KCNIP4: variants seen among roughly 807,000 people sequenced by gnomAD.
The protein encoded by KCNIP4 is Kv channel-interacting protein 4.
In KCNIP4, 12 loss-of-function variants were observed where a neutral mutation model predicts 34.0. The observed-to-expected ratio is 0.35, with a 90% CI of 0.23 to 0.57. KCNIP4 has a LOEUF of 0.57. Among genes scored for constraint, KCNIP4 ranks in the 20% least tolerant of loss-of-function variants. The pLI is 0.83. For synonymous variants in KCNIP4, 124 were observed against 102.2 expected (o/e 1.21, Z -1.29); for missense variants, 238 against 311.7 (o/e 0.76, Z 1.78).
intron 1 of KCNIP4, among the ~76,000 whole-genome samples, chr4:21,100,825 A>T (rs1747868766): frequency 6.6e-6 from 1 of 152,216 alleles, no homozygotes; most frequent in African/African-American, 2.4e-5. Flanking sequence ...TTGGGAAACC[A>T]AAAACTTCTT....
chr4:20,832,746 C>A (rs1353282452), intron 3 of KCNIP4, among the ~76,000 whole-genome samples: 1 of 149,652 alleles, frequency 6.7e-6, no homozygotes, highest in East Asian at 2.0e-4. Flanking sequence ...AAAAAAGGTC[C>A]TCAGCATGAA....
rs1387177904 is a variant in KCNIP4, at chr4:20,814,823, T to C, written c.288+35720A>G. Among the ~76,000 whole-genome samples, 4 of 152,164 alleles carry C rather than the reference T, an allele frequency of 2.6e-5. No individual in the cohort carries two copies. In the East Asian group the frequency reaches 7.7e-4, roughly 29 times the overall value. ...TATAGGACGACCTGGAGAAATTATT[T>C]CTCAGCAATGGGCTCAGAGATACAG... On this transcript the variant is annotated intron_variant, in intron 3 of 8. Coordinates refer to ENST00000382152, the MANE Select transcript of KCNIP4 (RefSeq NM_025221.6).
chr4:20,891,193 G>A (rs960811346), intron 1 of KCNIP4, among the ~76,000 whole-genome samples: 7 of 152,050 alleles, frequency 4.6e-5, no homozygotes, highest in Non-Finnish European at 1.0e-4. Context: ...CTTCTATTTT[G>A]TACTTTTGAA....
intron 1 of KCNIP4, among the ~76,000 whole-genome samples, chr4:21,071,423 T>C (rs1263584417): frequency 6.6e-6 from 1 of 152,158 alleles, no homozygotes; most frequent in Non-Finnish European, 1.5e-5. Context: ...AGCGTCTTTT[T>C]GGGTTCTTTG....
chr4:20,955,827 G>A (rs2149649760), intron 1 of KCNIP4, among the ~76,000 whole-genome samples: 1 of 152,198 alleles, frequency 6.6e-6, no homozygotes, highest in African/African-American at 2.4e-5. Flanking sequence ...ATGGCATTCA[G>A]TTCTTTTAGT....
intron 1 of KCNIP4, among the ~76,000 whole-genome samples, chr4:21,618,630 C>CTTTTTCTTTTTTT (rs1280886806): frequency 6.1e-5 from 5 of 81,790 alleles, no homozygotes; most frequent in African/African-American, 2.0e-4. Flanking sequence ...TTTTCTTTTT[C>CTTTTTCTTTTTTT]TTTTTTTTTT....
chr4:21,103,587 T>G (rs1748163163), intron 1 of KCNIP4, among the ~76,000 whole-genome samples: 1 of 151,542 alleles, frequency 6.6e-6, no homozygotes, highest in South Asian at 2.1e-4. Flanking sequence ...CTTTATTTTA[T>G]TTTATTATTA....
At chr4:21,464,915 C>T (rs928512127) in intron 1 of KCNIP4, among the ~76,000 whole-genome samples, 4 of 152,142 alleles carry the variant, frequency 2.6e-5, no homozygotes, top group African/African-American at 4.8e-5. Context: ...CACCCCTCTA[C>T]GACCATGGAA....
intron 1 of KCNIP4, among the ~76,000 whole-genome samples, chr4:20,899,021 AG>A (rs897249183): frequency 6.6e-6 from 1 of 152,218 alleles, no homozygotes; most frequent in Non-Finnish European, 1.5e-5. Flanking sequence ...ATTGCAAAAA[AG>A]ATTTTTGTAC....
chr4:20,973,348 T>C (rs561450534), intron 1 of KCNIP4, among the ~76,000 whole-genome samples: 1 of 152,378 alleles, frequency 6.6e-6, no homozygotes, highest in East Asian at 1.9e-4. Flanking sequence ...CTTCAGACTT[T>C]TCTTCTGTAG....
At chr4:21,728,428 C>T (rs1328384522) in intron 1 of KCNIP4, among the ~76,000 whole-genome samples, 1 of 152,130 alleles carries the variant, frequency 6.6e-6, no homozygotes, top group East Asian at 1.9e-4. Context: ...GAACTGCAGG[C>T]CAAGCTGCTG....
At chr4:20,978,251 A>T (rs141383415) in intron 1 of KCNIP4, among the ~76,000 whole-genome samples, 83 of 152,216 alleles carry the variant, frequency 5.5e-4, no homozygotes, top group African/African-American at 1.7e-3. Context: ...TAACAGAAAA[A>T]ATATATATAT....
intron 1 of KCNIP4, among the ~76,000 whole-genome samples, chr4:21,018,137 C>A (rs1040468689): frequency 6.6e-6 from 1 of 152,148 alleles, no homozygotes; most frequent in Non-Finnish European, 1.5e-5. Context: ...CAGGGTCCTG[C>A]ATAGACAACT....
At chr4:21,737,839 C>T (rs1716095951) in intron 1 of KCNIP4, among the ~76,000 whole-genome samples, 1 of 151,984 alleles carries the variant, frequency 6.6e-6, no homozygotes, top group African/African-American at 2.4e-5. Flanking sequence ...AATCCTAGCA[C>T]TTTGGGAGGC....
At chr4:20,734,499 C>T in intron 6 of KCNIP4, 129 bp downstream of exon 6, 1 of 496,548 alleles carries the variant, frequency 2.0e-6, no homozygotes. Flanking sequence ...GTACATCTTT[C>T]TTCCACTACA....
At chr4:21,654,130 G>C (rs1051053449) in intron 1 of KCNIP4, among the ~76,000 whole-genome samples, 6 of 152,150 alleles carry the variant, frequency 3.9e-5, no homozygotes, top group Admixed American at 2.0e-4. Flanking sequence ...AATCAAATGT[G>C]GATAAACTAA....
At chr4:21,765,668 A>G (rs1056683200) in intron 1 of KCNIP4, among the ~76,000 whole-genome samples, 5 of 150,334 alleles carry the variant, frequency 3.3e-5, no homozygotes, top group African/African-American at 1.2e-4. Flanking sequence ...GTCTTGTTTT[A>G]TTGCTCAGAC....
At chr4:21,288,160 G>A (rs1327037682) in intron 1 of KCNIP4, among the ~76,000 whole-genome samples, 1 of 152,158 alleles carries the variant, frequency 6.6e-6, no homozygotes. Flanking sequence ...CTTGCTACCA[G>A]AGACACATGC....
At chr4:21,127,404 A>G (rs1019907472) in intron 1 of KCNIP4, among the ~76,000 whole-genome samples, 1 of 152,178 alleles carries the variant, frequency 6.6e-6, no homozygotes, top group African/African-American at 2.4e-5. Flanking sequence ...ACGAAATCTT[A>G]TTCAACCTGT....
Sources: gnomAD v4.1 joint callset for allele counts (sites outside exome capture counted in the v4.1 genomes callset) on GRCh38, gnomAD v4.1.1 for gene constraint, MANE v1.5 for transcripts, NCBI Gene and HGNC (gene_info 2026-07-23, HGNC 2026-07-21) for gene names.